The following SH3RF3 variants were observed in gnomAD, a reference collection of about 807,000 sequenced individuals.
SH3RF3 encodes the protein E3 ubiquitin-protein ligase SH3RF3.
In SH3RF3, 29 loss-of-function variants were observed where a neutral mutation model predicts 66.3. The ratio of observed to expected loss-of-function variants is 0.44; its 90% confidence interval spans 0.33 to 0.60. The LOEUF is 0.60. Ranked by LOEUF, SH3RF3 falls within the 20% of genes least tolerant of loss-of-function variation. The probability of loss-of-function intolerance (pLI) is 0.04; values close to 1 mark genes in which losing one functional copy is unlikely to be tolerated. For missense variants in SH3RF3, 1,194 were observed against 1,190.9 expected, an observed-to-expected ratio of 1.00 and a Z score of -0.04; for synonymous variants, 583 against 532.0, an observed-to-expected ratio of 1.10 and a Z score of -1.32.
At chr2:109,473,190 G>C (rs1678572522) in intron 8 of SH3RF3, among the ~76,000 whole-genome samples, 1 of 152,080 alleles carries the variant, frequency 6.6e-6, no homozygotes, top group Admixed American at 6.5e-5. Flanking sequence ...CAGGGAAGCG[G>C]CTTCCTGCCT....
intron 1 of SH3RF3, among the ~76,000 whole-genome samples, chr2:109,194,063 A>G (rs1050371011): frequency 1.3e-5 from 2 of 152,192 alleles, no homozygotes; most frequent in South Asian, 2.1e-4. Context: ...CAGTGTGCCA[A>G]ATCTCCAGGT....
At chr2:109,500,145 A>G (rs1223162988) in intron 9 of SH3RF3, among the ~76,000 whole-genome samples, 2 of 151,794 alleles carry the variant, frequency 1.3e-5, no homozygotes, top group Non-Finnish European at 2.9e-5. Context: ...TCAGGCAGGC[A>G]CTTTAAAGGG....
intron 1 of SH3RF3, among the ~76,000 whole-genome samples, chr2:109,319,698 C>T (rs139517985): frequency 5.3e-5 from 8 of 152,322 alleles, no homozygotes; most frequent in South Asian, 2.1e-4. Context: ...TGAAGAGTGC[C>T]GTGCCGGAGC....
chr2:109,142,046 G>GC lies in SH3RF3; in HGVS notation c.573+11933_573+11934insC, dbSNP rs201091215. Among the ~76,000 whole-genome samples the GC allele has an allele frequency of 1.5e-3, 222 of 151,580 alleles. 1 individual carries two copies. In the Middle Eastern group the frequency reaches 0.017, roughly 12 times the overall value. Reference sequence around the variant, plus strand: ...CTTCTGGGGTCCTTGAGTCTCCTGGGGGGGGGGTCTCAGGTATGTGCCTAG... The same window carrying GC: ...CTTCTGGGGTCCTTGAGTCTCCTGGGCGGGGGGGTCTCAGGTATGTGCCTAG... On this transcript the variant is annotated intron_variant, in intron 1 of 9. Transcript: ENST00000309415.
At chr2:109,392,757 C>T (rs552772743) in intron 3 of SH3RF3, among the ~76,000 whole-genome samples, 4 of 152,148 alleles carry the variant, frequency 2.6e-5, no homozygotes, top group South Asian at 2.1e-4. Flanking sequence ...CCTTGTGATC[C>T]GCCCACCTCA....
intron 7 of SH3RF3, among the ~76,000 whole-genome samples, chr2:109,439,388 A>G (rs1283438309): frequency 2.6e-5 from 4 of 152,150 alleles, no homozygotes; most frequent in African/African-American, 9.7e-5. Flanking sequence ...AATGCCACTG[A>G]GTTCCTGCGG....
chr2:109,163,968 T>C (rs988038334), intron 1 of SH3RF3, among the ~76,000 whole-genome samples: 1 of 152,206 alleles, frequency 6.6e-6, no homozygotes, highest in Non-Finnish European at 1.5e-5. Context: ...TGCTTCTTGA[T>C]GTCCTTCCCT....
chr2:109,469,441 A>C (rs1488172840), intron 8 of SH3RF3, among the ~76,000 whole-genome samples: 1 of 152,092 alleles, frequency 6.6e-6, no homozygotes, highest in Non-Finnish European at 1.5e-5. Flanking sequence ...TCTGTCGAGG[A>C]AGGGTTTGAC....
chr2:109,226,886 G>C (rs540803042), intron 1 of SH3RF3, among the ~76,000 whole-genome samples: 5 of 152,300 alleles, frequency 3.3e-5, no homozygotes, highest in Admixed American at 3.3e-4. Context: ...AACACAGAGA[G>C]AAGCAAAGCC....
intron 9 of SH3RF3, among the ~76,000 whole-genome samples, chr2:109,496,761 A>G (rs897138024): frequency 4.2e-5 from 6 of 143,666 alleles, no homozygotes; most frequent in East Asian, 4.2e-4. Context: ...ACTCATGACT[A>G]TGTTACCATA....
In SH3RF3 at chr2:109,490,674, C is replaced by T; in HGVS notation, c.2218C>T (p.Pro740Ser). 2.0e-6 allele frequency: 3 copies of T among 1,523,190 alleles called. No homozygotes were observed. Among genetic ancestry groups the T allele is most frequent in the Non-Finnish European group, 2.6e-6 (3 of 1,136,436 alleles). The allele number at this position is 1,523,190 out of a possible 1,614,324, so 94.4% of individuals were successfully genotyped here. ...ASTKKKSRSP[P>S]SVSPTHDPQV... ...CACCAAGAAGAAGTCACGCTCCCCG[C>T]CATCTGTGTCTCCAACCCACGACCC... The change falls in exon 9 of 10, where the codon CCA becomes TCA. Residue 740 changes from proline to serine, a missense_variant. Physicochemically the swap from Pro to Ser is moderately conservative, Grantham distance 74. Coordinates refer to ENST00000309415, the MANE Select transcript of SH3RF3 (RefSeq NM_001099289.3).
intron 3 of SH3RF3, among the ~76,000 whole-genome samples, chr2:109,388,825 A>G (rs954985090): frequency 8.5e-5 from 10 of 117,214 alleles, no homozygotes; most frequent in African/African-American, 3.5e-4. Flanking sequence ...CTGGGATGTC[A>G]GAGAGAGACT....
rs373580159 is a variant in SH3RF3 at position 109,449,328 on chromosome 2, C to T, written c.1987C>T (p.Arg663Trp). 4.1e-5 allele frequency: 65 copies of T among 1,604,634 alleles called. No individual in the cohort carries two copies. The African/African-American group carries it at 5.1e-4, about 13-fold the overall frequency. Residue 663 changes from arginine to tryptophan, a missense_variant, in exon 8 of 10, where the codon CGG becomes TGG. Physicochemically the swap from Arg to Trp is moderately radical, Grantham distance 101. Coordinates refer to ENST00000309415, the MANE Select transcript of SH3RF3 (RefSeq NM_001099289.3). The stretch of plus-strand genomic sequence containing the variant: ...CCAGCCCCCGGTGCAGATGTGCCCA[C>T]GGCCGGCCATCCCCCTCACATCAGC... ...SHQPPVQMCP[R>W]PAIPLTSAAS...
intron 8 of SH3RF3, among the ~76,000 whole-genome samples, chr2:109,450,998 C>T (rs1677851719): frequency 1.3e-5 from 2 of 152,270 alleles, no homozygotes; most frequent in African/African-American, 2.4e-5. Flanking sequence ...GCTCTCTGCC[C>T]ATCACCCTGG....
chr2:109,295,727 C>G (rs1486332498), intron 1 of SH3RF3, among the ~76,000 whole-genome samples: 2 of 152,074 alleles, frequency 1.3e-5, no homozygotes, highest in Admixed American at 1.3e-4. Context: ...GGGAGGTTTA[C>G]CTGGGGAGGT....
intron 1 of SH3RF3, among the ~76,000 whole-genome samples, chr2:109,319,328 G>C (rs534840946): frequency 2.0e-5 from 3 of 152,354 alleles, no homozygotes; most frequent in African/African-American, 7.2e-5. Flanking sequence ...TCCTAAGCCA[G>C]TGCAGGTTAG....
At chr2:109,413,673 G>A (rs754938783) in intron 4 of SH3RF3, among the ~76,000 whole-genome samples, 1 of 152,146 alleles carries the variant, frequency 6.6e-6, no homozygotes, top group Non-Finnish European at 1.5e-5. Flanking sequence ...CTGTGCTCTG[G>A]GGCAGCACGC....
chr2:109,243,817 T>C (rs2105229785), intron 1 of SH3RF3, among the ~76,000 whole-genome samples: 1 of 152,314 alleles, frequency 6.6e-6, no homozygotes, highest in African/African-American at 2.4e-5. Context: ...TGGGAAGCCA[T>C]TGAAAGGCTG....
At chr2:109,360,703 C>A (rs939689087) in intron 2 of SH3RF3, among the ~76,000 whole-genome samples, 1 of 152,292 alleles carries the variant, frequency 6.6e-6, no homozygotes, top group African/African-American at 2.4e-5. Context: ...AGTATTAGTT[C>A]TAGAAGTTCT....
Sources: allele counts gnomAD v4.1 joint callset (sites outside exome capture counted in the v4.1 genomes callset), GRCh38; gene constraint gnomAD v4.1.1; transcripts MANE v1.5; gene names NCBI Gene and HGNC (gene_info 2026-07-23, HGNC 2026-07-21).